ANK2: variants seen among roughly 807,000 people sequenced by gnomAD.
The protein encoded by ANK2 is ankyrin-2.
A neutral mutation model predicts 360.5 loss-of-function variants in ANK2; 83 were observed. That is an observed-to-expected ratio of 0.23 (90% CI 0.19 to 0.28). The LOEUF (loss-of-function observed/expected upper bound fraction) is 0.28. ANK2 is among the 10% of genes least tolerant of loss of function. ANK2 has a pLI of 1.00. For missense variants in ANK2, 4,201 were observed against 4,795.7 expected (o/e 0.88, Z 3.66); for synonymous variants, 1,740 against 1,759.5 (o/e 0.99, Z 0.28).
At chr4:112,792,713 A>G in the ANK2 span, among the ~76,000 whole-genome samples, 1 of 152,234 alleles carries the variant, frequency 6.6e-6, no homozygotes, top group African/African-American at 2.4e-5. Context: ...TGTAAGAAAT[A>G]CAGAGATGCT....
chr4:113,304,147 T>A (rs1242070307), intron 23 of ANK2, among the ~76,000 whole-genome samples: 1 of 152,212 alleles, frequency 6.6e-6, no homozygotes, highest in Non-Finnish European at 1.5e-5. Flanking sequence ...TGCCAACTAG[T>A]TCTCAGCATT....
At position 113,288,340 on chromosome 4, in the gene ANK2, G is replaced by A. The variant is rs758612908; in HGVS notation, c.2179-48G>A. 3 of 1,484,278 alleles carry A rather than the reference G, an allele frequency of 2.0e-6. No homozygotes were observed. In the South Asian group the frequency reaches 3.4e-5, roughly 17 times the overall value. 91.9% of individuals were successfully genotyped at this position (1,484,278 alleles called of 1,614,324 possible). A position where few individuals can be genotyped will look rare whatever the true frequency, so the allele number is the denominator to read the frequency against. On this transcript the variant is annotated intron_variant, in intron 19 of 45. Transcript: ENST00000357077. ...CTCTGGGGTATTAACCACTAGAGTA[G>A]TAAAGTTTCTACTTTATCTATTTTT...
intron 1 of ANK2, among the ~76,000 whole-genome samples, chr4:113,140,492 ATAGTT>A (rs2096597381): frequency 6.6e-6 from 1 of 152,194 alleles, no homozygotes; most frequent in African/African-American, 2.4e-5. Context: ...TTTGCACATG[ATAGTT>A]TAGTTTAAGA....
chr4:112,861,200 G>A (rs529925455), intron 1 of ANK2, among the ~76,000 whole-genome samples: 89 of 152,250 alleles, frequency 5.8e-4, no homozygotes, highest in African/African-American at 2.1e-3. Flanking sequence ...AAAGAAAAGG[G>A]CTATTGTTTT....
chr4:112,841,999 A>G (rs1185750873), intron 1 of ANK2, among the ~76,000 whole-genome samples: 1 of 151,586 alleles, frequency 6.6e-6, no homozygotes, highest in African/African-American at 2.4e-5. Flanking sequence ...ACCCAAAATT[A>G]TTTTCTTTTT....
At chr4:113,271,497 C>CACACAT (rs1554389594) in intron 14 of ANK2, among the ~76,000 whole-genome samples, 1 of 151,956 alleles carries the variant, frequency 6.6e-6, no homozygotes, top group Non-Finnish European at 1.5e-5. Context: ...CACACACACA[C>CACACAT]ACACACTTTT....
intron 1 of ANK2, among the ~76,000 whole-genome samples, chr4:113,094,599 T>A (rs1478470130): frequency 6.6e-6 from 1 of 152,154 alleles, no homozygotes; most frequent in South Asian, 2.1e-4. Context: ...ACAGTTATCT[T>A]CTTGTTAGCA....
chr4:113,336,405 T>C (rs2093538933), intron 30 of ANK2, 172 bp from the exon 31 acceptor site: 2 of 668,370 alleles, frequency 3.0e-6, no homozygotes, highest in African/African-American at 3.6e-5. Context: ...CAAAATTTTA[T>C]GAGTGCTTAG....
chr4:113,208,343 A>T (rs1470066267), intron 4 of ANK2, among the ~76,000 whole-genome samples: 1 of 151,948 alleles, frequency 6.6e-6, no homozygotes, highest in Non-Finnish European at 1.5e-5. Flanking sequence ...GACTGTTATA[A>T]GACTGATTAA....
At chr4:112,741,783 C>G in the ANK2 span, among the ~76,000 whole-genome samples, 1 of 152,088 alleles carries the variant, frequency 6.6e-6, no homozygotes, top group East Asian at 1.9e-4. Flanking sequence ...GAGATAAAGA[C>G]CAGCCTGGGC....
chr4:113,304,450 AT>A (rs1264914148), intron 23 of ANK2, among the ~76,000 whole-genome samples: 1 of 152,202 alleles, frequency 6.6e-6, no homozygotes, highest in East Asian at 1.9e-4. Context: ...TGTGGATTTT[AT>A]TAACTTAGAA....
chr4:113,352,154 A>T (rs1192924836), intron 37 of ANK2, among the ~76,000 whole-genome samples: 2 of 152,064 alleles, frequency 1.3e-5, no homozygotes, highest in African/African-American at 4.8e-5. Flanking sequence ...GTTTTACTCC[A>T]CCTTTGCTTT....
intron 1 of ANK2, among the ~76,000 whole-genome samples, chr4:113,097,848 GTGTGTGTGTGTGTGTGTGTATATATA>G (rs2091755129): frequency 2.7e-5 from 2 of 73,738 alleles, no homozygotes; most frequent in African/African-American, 6.7e-5. Flanking sequence ...ATATGTGTGT[GTGTGTGTGTGTGTGTGTGTATATATA>G]TGCACACACA....
At chr4:113,067,331 G>A (rs1006424170) in intron 1 of ANK2, among the ~76,000 whole-genome samples, 13 of 152,032 alleles carry the variant, frequency 8.6e-5, no homozygotes, top group Non-Finnish European at 1.8e-4. Context: ...GGGCGGAGGG[G>A]AAACAAGAGT....
intron 2 of ANK2, among the ~76,000 whole-genome samples, chr4:112,991,277 C>T (rs1465268500): frequency 2.0e-5 from 3 of 150,782 alleles, no homozygotes; most frequent in Admixed American, 6.6e-5. Flanking sequence ...TGTTGGAGAC[C>T]TTCATTGGTT....
At chr4:113,272,416 G>A (rs953120241) in intron 14 of ANK2, among the ~76,000 whole-genome samples, 3 of 152,056 alleles carry the variant, frequency 2.0e-5, no homozygotes, top group South Asian at 4.1e-4. Flanking sequence ...TCTTTTCCCT[G>A]GTTTAAATTA....
intron 2 of ANK2, among the ~76,000 whole-genome samples, chr4:112,989,545 A>G (rs2046051055): frequency 6.6e-6 from 1 of 152,206 alleles, no homozygotes; most frequent in African/African-American, 2.4e-5. Flanking sequence ...GTATGTTCTC[A>G]TTATGCTTAT....
rs754030532 is a variant in ANK2 at position 113,354,396 on chromosome 4, G to A, written c.5778G>A (p.Pro1926=). 9.9e-6 allele frequency: 16 copies of A among 1,613,864 alleles called. No homozygotes were observed. Among genetic ancestry groups the A allele is most frequent in the South Asian group, 2.2e-5 (2 of 91,078 alleles). Residue 1926 remains proline, a synonymous_variant, in exon 38 of 46, where the codon CCG becomes CCA. Coordinates refer to ENST00000357077, the MANE Select transcript of ANK2 (RefSeq NM_001148.6). ...VSPSGRTEKH[P]PVSPGRTEKR... is the part of the protein sequence containing the mutation. Reference sequence around the variant, plus strand: ...CCTCCGGGAGGACAGAAAAACACCCGCCAGTATCGCCTGGGAGAACAGAAA... The same window carrying A: ...CCTCCGGGAGGACAGAAAAACACCCACCAGTATCGCCTGGGAGAACAGAAA...
intron 1 of ANK2, among the ~76,000 whole-genome samples, chr4:113,098,232 T>C (rs937804495): frequency 5.3e-5 from 8 of 151,556 alleles, no homozygotes; most frequent in African/African-American, 1.2e-4. Context: ...ACAAATGAAA[T>C]TTAAAACAAT....
Sources: allele counts gnomAD v4.1 joint callset (sites outside exome capture counted in the v4.1 genomes callset), GRCh38; gene constraint gnomAD v4.1.1; transcripts MANE v1.5; gene names NCBI Gene and HGNC (gene_info 2026-07-23, HGNC 2026-07-21).